BRAF: variants seen among roughly 807,000 people sequenced by gnomAD.
The protein encoded by BRAF is B-Raf proto-oncogene, serine/threonine kinase.
A neutral mutation model predicts 104.6 loss-of-function variants in BRAF; 16 were observed. That is an observed-to-expected ratio of 0.15 (90% confidence interval 0.10 to 0.23). The LOEUF is 0.23. BRAF is among the 10% of genes least tolerant of loss of function. BRAF has a pLI of 1.00. For synonymous variants in BRAF, 310 were observed against 341.6 expected, an observed-to-expected ratio of 0.91 and a Z score of 1.02; for missense variants, 541 against 937.3, an observed-to-expected ratio of 0.58 and a Z score of 5.52.
At chr7:140,857,754 T>A (rs1410678899) in intron 1 of BRAF, among the ~76,000 whole-genome samples, 1 of 152,026 alleles carries the variant, frequency 6.6e-6, no homozygotes, top group Non-Finnish European at 1.5e-5. Context: ...CAGAACAACA[T>A]CAGAGGCCAG....
At chr7:140,739,680 G>A in intron 18 of BRAF, 132 bp downstream of exon 17, 1 of 1,035,740 alleles carries the variant, frequency 9.7e-7, no homozygotes, top group South Asian at 1.4e-5. Flanking sequence ...CCATCTTAAT[G>A]TGTTTTCTTG....
intron 2 of BRAF, among the ~76,000 whole-genome samples, chr7:140,840,030 T>G (rs905794795): frequency 1.3e-5 from 2 of 152,222 alleles, no homozygotes; most frequent in African/African-American, 4.8e-5. Flanking sequence ...TCTGCCCCCG[T>G]GTAGGCACCT....
chr7:140,773,675 T>C (rs1020505114), intron 14 of BRAF, among the ~76,000 whole-genome samples: 2 of 152,148 alleles, frequency 1.3e-5, no homozygotes, highest in Non-Finnish European at 2.9e-5. Context: ...TTTAGAGAAA[T>C]AACAGCTTTT....
chr7:140,868,412 T>C (rs1157755833), intron 1 of BRAF, among the ~76,000 whole-genome samples: 1 of 152,174 alleles, frequency 6.6e-6, no homozygotes, highest in Non-Finnish European at 1.5e-5. Flanking sequence ...AGAAACAAAA[T>C]GCTGATACAT....
intron 16 of BRAF, among the ~76,000 whole-genome samples, chr7:140,751,189 G>T (rs1203095974): frequency 2.0e-5 from 3 of 152,072 alleles, no homozygotes; most frequent in East Asian, 3.9e-4. Context: ...TTAATTGTAA[G>T]AAAATATAAA....
In BRAF at chr7:140,726,439, A is replaced by G. The variant is rs1455318483; in HGVS notation, c.*55T>C. On this transcript the variant is annotated 3_prime_UTR_variant, in exon 20 of 20. Coordinates refer to ENST00000644969, the MANE Select transcript of BRAF (RefSeq NM_001374258.1). ...AACAGAACTGTGTTTTGATGTTAACAAATTGTACGAACACAAGACTTAAGA... is the reference window on the plus strand; with the variant it reads ...AACAGAACTGTGTTTTGATGTTAACGAATTGTACGAACACAAGACTTAAGA... 4.2e-5 allele frequency: 65 copies of G among 1,531,508 alleles called. 1 individual carries two copies. The highest frequency in any genetic ancestry group is 9.7e-5 in the South Asian group (8 of 82,348). 94.9% of individuals were successfully genotyped at this position (1,531,508 alleles called of 1,614,324 possible). A position where few individuals can be genotyped will look rare whatever the true frequency, so the allele number is the denominator to read the frequency against.
chr7:140,744,805 G>A (rs1797220458), intron 17 of BRAF, among the ~76,000 whole-genome samples: 1 of 152,046 alleles, frequency 6.6e-6, no homozygotes, highest in South Asian at 2.1e-4. Context: ...TACATTCTAT[G>A]TTTCCATATA....
intron 13 of BRAF, 42 bp downstream of exon 12, chr7:140,777,949 A>T: frequency 6.3e-7 from 1 of 1,588,236 alleles, no homozygotes; most frequent in Non-Finnish European, 8.6e-7. Flanking sequence ...GCTAATAAAA[A>T]TAACTTCTTT....
At chr7:140,740,177 A>C in intron 17 of BRAF, 1 of 502,422 alleles carries the variant, frequency 2.0e-6, no homozygotes, top group Non-Finnish European at 3.6e-6. Context: ...AGGTTCTCTA[A>C]TTGCTCCCCT....
In BRAF at chr7:140,864,356, G is replaced by A. The variant is rs549137465; in HGVS notation, c.139-14144C>T. The stretch of plus-strand genomic sequence containing the variant: ...TTAAGGCTGATTCTGAAATTCTGAT[G>A]TGTGCAACGGGTGGACAGTGATGCC... On this transcript the variant is annotated intron_variant, in intron 1 of 19. Coordinates refer to ENST00000644969, the MANE Select transcript of BRAF (RefSeq NM_001374258.1). 4.6e-5 allele frequency among the ~76,000 whole-genome samples: 7 copies of A among 152,332 alleles called. No homozygotes were observed. In the South Asian group the frequency reaches 8.3e-4, roughly 18 times the overall value.
At chr7:140,810,899 G>C (rs1331169904) in intron 3 of BRAF, among the ~76,000 whole-genome samples, 1 of 152,212 alleles carries the variant, frequency 6.6e-6, no homozygotes, top group Non-Finnish European at 1.5e-5. Context: ...ATCCTGGGCA[G>C]AGCCTATTTG....
chr7:140,810,062 T>C (rs1408706573), intron 3 of BRAF, among the ~76,000 whole-genome samples: 1 of 152,090 alleles, frequency 6.6e-6, no homozygotes, highest in Non-Finnish European at 1.5e-5. Flanking sequence ...TTTGTAACAA[T>C]AAGTTCCATT....
intron 2 of BRAF, among the ~76,000 whole-genome samples, chr7:140,843,109 T>C (rs1423842494): frequency 6.6e-6 from 1 of 152,186 alleles, no homozygotes; most frequent in Non-Finnish European, 1.5e-5. Context: ...CACTGGAAAT[T>C]TTTGACTTAT....
chr7:140,765,023 G>C (rs10233557), intron 14 of BRAF, among the ~76,000 whole-genome samples: 4,221 of 152,260 alleles, frequency 0.028, 206 homozygotes, highest in African/African-American at 0.095. Flanking sequence ...AAAGCTGGAG[G>C]CATCACACTA....
chr7:140,922,308 C>G (rs925758245), intron 1 of BRAF, among the ~76,000 whole-genome samples: 1 of 152,178 alleles, frequency 6.6e-6, no homozygotes, highest in African/African-American at 2.4e-5. Context: ...AGGATTGGTA[C>G]ATGGGAACTG....
chr7:140,918,919 C>T (rs1050026375), intron 1 of BRAF, among the ~76,000 whole-genome samples: 2 of 151,960 alleles, frequency 1.3e-5, no homozygotes, highest in Non-Finnish European at 2.9e-5. Context: ...GCGGGCAGAT[C>T]ACGAGGTCAG....
intron 9 of BRAF, among the ~76,000 whole-genome samples, chr7:140,787,081 C>T (rs1429523761): frequency 2.0e-5 from 3 of 151,944 alleles, no homozygotes; most frequent in Non-Finnish European, 4.4e-5. Context: ...GCGGGCGGAT[C>T]ACGAGGTCAG....
At chr7:140,800,951 T>C (rs745627606) in intron 6 of BRAF, 3 of 222,926 alleles carry the variant, frequency 1.3e-5, no homozygotes, top group Non-Finnish European at 2.7e-5. Flanking sequence ...AAGAGATATA[T>C]ACTGGATACA....
chr7:140,910,022 T>C (rs887399671), intron 1 of BRAF, among the ~76,000 whole-genome samples: 14 of 152,210 alleles, frequency 9.2e-5, no homozygotes, highest in African/African-American at 3.4e-4. Flanking sequence ...CTGACTTCCC[T>C]GATCCTTTCT....
Sources: allele counts gnomAD v4.1 joint callset (sites outside exome capture counted in the v4.1 genomes callset), GRCh38; gene constraint gnomAD v4.1.1; transcripts MANE v1.5; gene names NCBI Gene and HGNC (gene_info 2026-07-23, HGNC 2026-07-21).